Variants in DTNB observed in about 807,000 individuals in gnomAD.
The protein encoded by DTNB is dystrobrevin beta.
A neutral mutation model predicts 90.7 loss-of-function variants in DTNB; 63 were observed. The ratio of observed to expected loss-of-function variants is 0.69; its 90% CI spans 0.57 to 0.86. The LOEUF is 0.86. Among genes scored for constraint, DTNB ranks in the 40% least tolerant of loss-of-function variants. DTNB has a pLI of 0.00. For synonymous variants in DTNB, 277 were observed against 286.7 expected (o/e 0.97, Z 0.34); for missense variants, 744 against 807.1 (o/e 0.92, Z 0.95).
intron 9 of DTNB, among the ~76,000 whole-genome samples, chr2:25,514,023 C>T (rs1276518193): frequency 6.7e-6 from 1 of 149,354 alleles, no homozygotes; most frequent in Non-Finnish European, 1.5e-5. Flanking sequence ...AAAAGCCTTG[C>T]TTTCAAAGAA....
chr2:25,424,340 T>C lies in DTNB; in HGVS notation c.1554+3195A>G, dbSNP rs1341675279. ...ATTACTGCTGCAAATATAAAGAAACTCAGGGTTTGGGATCAGAGTTGCGGG... is the reference window on the plus strand; with the variant it reads ...ATTACTGCTGCAAATATAAAGAAACCCAGGGTTTGGGATCAGAGTTGCGGG... On this transcript the variant is annotated intron_variant, in intron 15 of 20. Transcript: ENST00000406818. The surrounding 1 kb of genome is among the most constrained non-coding windows in gnomAD (Gnocchi z 4.1). 2.6e-5 allele frequency among the ~76,000 whole-genome samples: 4 copies of C among 152,098 alleles called. No homozygotes were observed. In the East Asian group the frequency reaches 7.7e-4, roughly 29 times the overall value.
At chr2:25,546,607 C>G (rs141380923) in intron 8 of DTNB, among the ~76,000 whole-genome samples, 1 of 152,306 alleles carries the variant, frequency 6.6e-6, no homozygotes, top group African/African-American at 2.4e-5. Context: ...GGGGCTAAAT[C>G]CAGTATCCAA....
chr2:25,572,299 C>T (rs1301142427), intron 8 of DTNB, among the ~76,000 whole-genome samples: 5 of 152,116 alleles, frequency 3.3e-5, no homozygotes, highest in African/African-American at 7.2e-5. Context: ...AACCCTGTCT[C>T]TACTAAAAAT....
intron 13 of DTNB, 87 bp downstream of exon 13, chr2:25,433,823 G>T: frequency 6.6e-7 from 1 of 1,509,974 alleles, no homozygotes; most frequent in Non-Finnish European, 9.1e-7. Context: ...GCGGTCAAAA[G>T]CCACCTAGTA....
chr2:25,627,944 G>A (rs1337708054), intron 4 of DTNB, among the ~76,000 whole-genome samples: 1 of 152,024 alleles, frequency 6.6e-6, no homozygotes, highest in Non-Finnish European at 1.5e-5. Context: ...CACCGTGTTA[G>A]CCGGGATGGT....
chr2:25,451,978 T>C (rs1040741713), intron 11 of DTNB, among the ~76,000 whole-genome samples: 1 of 152,146 alleles, frequency 6.6e-6, no homozygotes. Context: ...TAGACCTTGA[T>C]CTCAAATTCA....
chr2:25,592,242 G>A (rs1314975805), intron 6 of DTNB, among the ~76,000 whole-genome samples: 2 of 151,744 alleles, frequency 1.3e-5, no homozygotes, highest in African/African-American at 4.8e-5. Flanking sequence ...TGGACATCCA[G>A]GATGCTTCTG....
At chr2:25,503,054 A>T (rs1426138835) in intron 9 of DTNB, among the ~76,000 whole-genome samples, 6 of 35,274 alleles carry the variant, frequency 1.7e-4, no homozygotes, top group East Asian at 2.6e-3. Context: ...ACCCTATCTC[A>T]AAAAAAAAAA....
At chr2:25,444,788 A>G (rs1015220016) in intron 12 of DTNB, among the ~76,000 whole-genome samples, 1 of 152,198 alleles carries the variant, frequency 6.6e-6, no homozygotes, top group Non-Finnish European at 1.5e-5. Context: ...CTGGCAGGTT[A>G]TAAATAAATT....
chr2:25,606,198 A>AT (rs2067068603), intron 5 of DTNB, among the ~76,000 whole-genome samples: 1 of 151,838 alleles, frequency 6.6e-6, no homozygotes, highest in Non-Finnish European at 1.5e-5. Flanking sequence ...ATTTAAAAAA[A>AT]AAAAGGGCAT....
intron 5 of DTNB, among the ~76,000 whole-genome samples, chr2:25,601,630 T>G (rs2065906601): frequency 6.6e-6 from 1 of 152,182 alleles, no homozygotes; most frequent in Non-Finnish European, 1.5e-5. Flanking sequence ...AAAGGGCTGT[T>G]TAGACTGAAG....
chr2:25,424,940 G>C lies in DTNB; in HGVS notation c.1554+2595C>G, dbSNP rs536107479. Among the ~76,000 whole-genome samples, 3 of 152,268 alleles carry C rather than the reference G, an allele frequency of 2.0e-5. No homozygotes were observed. The South Asian group carries it at 6.2e-4, about 32-fold the overall frequency. On this transcript the variant is annotated intron_variant, in intron 15 of 20. Coordinates refer to ENST00000406818, the MANE Select transcript of DTNB (RefSeq NM_021907.5). This position sits in a 1 kb window ranked among gnomAD's most constrained non-coding sequence, Gnocchi z 4.1. ...GCCTCCCAAAGTGCTGGTATTACAG[G>C]TGTTAGCCACTGCGCCCGACTGGAT... is the stretch of plus-strand genomic sequence containing the variant.
intron 9 of DTNB, 64 bp from the exon 10 acceptor site, chr2:25,482,937 G>A (rs1485283398): frequency 5.4e-6 from 8 of 1,472,792 alleles, no homozygotes; most frequent in African/African-American, 1.4e-5. Flanking sequence ...GGGAAACGAC[G>A]ATAAGCATGG....
Position 25,530,363 on chromosome 2 carries a change from G to A in DTNB, c.1001+1110C>T, listed in dbSNP as rs7603070. Among the ~76,000 whole-genome samples, 184 of 151,000 alleles carry A rather than the reference G, an allele frequency of 1.2e-3. 1 individual carries two copies. Among genetic ancestry groups the A allele is most frequent in the African/African-American group, 4.2e-3 (173 of 41,036 alleles). ...GAAGTGGGAGGATCACTTGAACCTG[G>A]GAGGTGGAGGCTGCAGTGAGCCGAG... is the stretch of plus-strand genomic sequence containing the variant. On this transcript the variant is annotated intron_variant, in intron 9 of 20. Coordinates refer to ENST00000406818, the MANE Select transcript of DTNB (RefSeq NM_021907.5).
chr2:25,397,188 G>A (rs957282126), intron 16 of DTNB, among the ~76,000 whole-genome samples: 15 of 151,742 alleles, frequency 9.9e-5, no homozygotes, highest in Admixed American at 3.9e-4. Context: ...AGCGTTATTC[G>A]ACATAGCCAA....
chr2:25,463,307 T>C (rs2061295171), intron 10 of DTNB, among the ~76,000 whole-genome samples: 1 of 152,132 alleles, frequency 6.6e-6, no homozygotes. Flanking sequence ...TGAACACACA[T>C]CCAATCCACT....
chr2:25,550,370 G>A (rs940258563), intron 8 of DTNB, among the ~76,000 whole-genome samples: 4 of 152,030 alleles, frequency 2.6e-5, no homozygotes, highest in African/African-American at 4.8e-5. Context: ...CAGCCTGGGT[G>A]AAAGAGCGAG....
chr2:25,651,369 A>T (rs2080902038), intron 2 of DTNB, among the ~76,000 whole-genome samples: 2 of 152,390 alleles, frequency 1.3e-5, no homozygotes, highest in South Asian at 4.1e-4. Flanking sequence ...CTAACTGCAA[A>T]GCTGGACTCA....
At chr2:25,527,351 C>T (rs1163325273) in intron 9 of DTNB, among the ~76,000 whole-genome samples, 2 of 152,076 alleles carry the variant, frequency 1.3e-5, no homozygotes, top group South Asian at 2.1e-4. Context: ...GGTGAAACCC[C>T]GTCTCTACCA....
Sources: allele counts gnomAD v4.1 joint callset (sites outside exome capture counted in the v4.1 genomes callset), GRCh38; gene constraint gnomAD v4.1.1; non-coding constraint Gnocchi (gnomAD v3.1); transcripts MANE v1.5; gene names NCBI Gene and HGNC (gene_info 2026-07-23, HGNC 2026-07-21).